The following TAF8 variants were observed in gnomAD, a reference collection of about 807,000 sequenced individuals.
The protein encoded by TAF8 is transcription initiation factor TFIID subunit 8.
TAF8 carries 47 observed loss-of-function variants against 36.5 expected under a neutral mutation model. The observed-to-expected ratio is 1.29, with a 90% confidence interval of 1.02 to 1.64. The LOEUF (loss-of-function observed/expected upper bound fraction) is 1.64, where lower values mean the gene tolerates loss of function less well. Among genes scored for constraint, TAF8 ranks in the 40% most tolerant of loss-of-function variants. TAF8 has a pLI of 0.00. For missense variants in TAF8, 420 were observed against 407.6 expected (o/e 1.03, Z -0.26); for synonymous variants, 175 against 159.5 (o/e 1.10, Z -0.73).
intron 6 of TAF8, 43 bp from the exon 7 acceptor site, chr6:42,068,422 G>A (rs767985444): frequency 1.2e-6 from 2 of 1,611,654 alleles, no homozygotes; most frequent in South Asian, 2.2e-5. Context: ...CAGCTGCGAG[G>A]TCTCTGTGAC....
chr6:42,077,390 C>T, intron 8 of TAF8, 143 bp from the exon 9 acceptor site: 2 of 1,520,014 alleles, frequency 1.3e-6, no homozygotes, highest in South Asian at 2.5e-5. Context: ...CCTTACTTGG[C>T]TCCCGTACAT....
intron 7 of TAF8, among the ~76,000 whole-genome samples, chr6:42,072,950 C>T (rs1765631293): frequency 6.6e-6 from 1 of 151,922 alleles, no homozygotes; most frequent in Admixed American, 6.6e-5. Context: ...GTCTCGATCT[C>T]CCGACCTCGT....
At chr6:42,084,832 C>G (rs868537095), downstream of TAF8, among the ~76,000 whole-genome samples, 1 of 152,178 alleles carries the variant, frequency 6.6e-6, no homozygotes, top group Non-Finnish European at 1.5e-5. Context: ...AGGCTAAGTA[C>G]ATTGTGGGAG....
intron 5 of TAF8, among the ~76,000 whole-genome samples, chr6:42,059,370 G>A (rs1423499668): frequency 2.0e-5 from 3 of 150,800 alleles, no homozygotes; most frequent in Non-Finnish European, 4.4e-5. Context: ...GCGACAGAGC[G>A]AGACTTTGTC....
chr6:42,053,334 G>A (rs751775559), intron 2 of TAF8, among the ~76,000 whole-genome samples: 3 of 152,062 alleles, frequency 2.0e-5, no homozygotes, highest in Admixed American at 6.6e-5. Flanking sequence ...AGGCCGAGGC[G>A]GGTATATCGC....
chr6:42,071,377 G>C (rs1362641484), intron 7 of TAF8: 1 of 184,270 alleles, frequency 5.4e-6, no homozygotes, highest in Non-Finnish European at 1.1e-5. Context: ...CCAGGCTGGA[G>C]TGCAGTGGCA....
rs1189988672 is a variant in TAF8, at chr6:42,078,207, A to G, written c.*662A>G. On this transcript the variant is annotated 3_prime_UTR_variant, in exon 9 of 9. Coordinates refer to ENST00000372977, the MANE Select transcript of TAF8 (RefSeq NM_138572.3). ...ACCCCACCAGAGACTTTCTTAATCA[A>G]TCAGGCTATGTGGTGGGGCATAGCA... The G allele has an allele frequency of 4.1e-6, 4 of 985,704 alleles. No homozygotes were observed. The South Asian group carries it at 1.9e-4, about 46-fold the overall frequency. The allele number at this position is 985,704 out of a possible 1,614,324, so 61.1% of individuals were successfully genotyped here. A position where few individuals can be genotyped will look rare whatever the true frequency, so the allele number is the denominator to read the frequency against.
At position 42,077,228 on chromosome 6, in the gene TAF8, C is replaced by A; in HGVS notation, c.909C>A (p.Ile303=). ...PYLRPVKKPK[I]RRKKSLS ...TGCGGCCGGTGAAGAAGCCCAAGAT[C>A]CGCAGGAAGAAGTGAGTTGGAGGCT... Residue 303 remains isoleucine (I), a synonymous_variant, in exon 8 of 9, where the codon ATC becomes ATA. Coordinates refer to ENST00000372977, the MANE Select transcript of TAF8 (RefSeq NM_138572.3). 18 of 1,613,024 alleles carry A rather than the reference C, an allele frequency of 1.1e-5. No individual in the cohort carries two copies. The highest frequency in any genetic ancestry group is 1.5e-5 in the Non-Finnish European group (18 of 1,179,214).
chr6:42,059,387 A>G (rs899401751), intron 5 of TAF8, among the ~76,000 whole-genome samples: 11 of 147,838 alleles, frequency 7.4e-5, no homozygotes, highest in African/African-American at 2.5e-4. Context: ...TGTCTCAAGA[A>G]AAAAAAAAAA....
chr6:42,055,983 A>C lies in TAF8; in HGVS notation c.333A>C (p.Ala111=), dbSNP rs371841722. ...GFNVDTLPAY[A]KRSQRMVITA... ...ATGTGGACACTCTCCCTGCTTATGC[A>C]AAACGGTCTCAGAGGATGGTCATCA... Residue 111 remains alanine, a synonymous_variant, in exon 4 of 9, where the codon GCA becomes GCC. Coordinates refer to ENST00000372977, the MANE Select transcript of TAF8 (RefSeq NM_138572.3). The C allele has an allele frequency of 3.7e-5, 60 of 1,613,590 alleles. No individual in the cohort carries two copies. The highest frequency in any genetic ancestry group is 4.9e-5 in the Non-Finnish European group (58 of 1,179,568).
Position 42,056,007 on chromosome 6 carries a change from C to CA in TAF8, c.358dup (p.Thr120AsnfsTer33). On this transcript the variant is annotated frameshift_variant, in exon 4 of 9. Coordinates refer to ENST00000372977, the MANE Select transcript of TAF8 (RefSeq NM_138572.3). LOFTEE classifies it high-confidence loss of function. Reference sequence around the variant, plus strand: ...CAAAACGGTCTCAGAGGATGGTCATCACTGCTCGTAAGTGACTTTGAACTG... The same window carrying CA: ...CAAAACGGTCTCAGAGGATGGTCATCAACTGCTCGTAAGTGACTTTGAACTG... The CA allele has an allele frequency of 1.9e-6, 3 of 1,609,588 alleles. No individual in the cohort carries two copies. Among genetic ancestry groups the CA allele is most frequent in the Non-Finnish European group, 2.6e-6 (3 of 1,175,834 alleles).
rs1765906789 is a variant in TAF8 at position 42,081,046 on chromosome 6, A to G, written c.*3501A>G. On this transcript the variant is annotated 3_prime_UTR_variant, in exon 9 of 9. Transcript: ENST00000372977. Reference sequence around the variant, plus strand: ...TATTTTGGAAATTTTCAAATACAAAATTAGAGAGCAAAATATATGAACCCC... The same window carrying G: ...TATTTTGGAAATTTTCAAATACAAAGTTAGAGAGCAAAATATATGAACCCC... The G allele has an allele frequency of 1.2e-6, 1 of 856,070 alleles. No individual in the cohort carries two copies. The highest frequency in any genetic ancestry group is 1.8e-5 in the African/African-American group (1 of 54,214). 53.0% of individuals were successfully genotyped at this position (856,070 alleles called of 1,614,324 possible). A position where few individuals can be genotyped will look rare whatever the true frequency, so the allele number is the denominator to read the frequency against.
intron 4 of TAF8, 77 bp from the exon 5 acceptor site, chr6:42,057,302 TGAGAAAAGGA>T: frequency 6.4e-7 from 1 of 1,574,698 alleles, no homozygotes; most frequent in Admixed American, 1.9e-5. Flanking sequence ...GGCATTTTTT[TGAGAAAAGGA>T]GGCTTTGGGG....
chr6:42,055,804 CCT>C (rs147452787), intron 3 of TAF8, 146 bp from the exon 4 acceptor site: 11,863 of 744,252 alleles, frequency 0.016, 122 homozygotes, highest in Non-Finnish European at 0.021. Flanking sequence ...CTCATAATTC[CCT>C]GTTAGGGAAT....
intron 7 of TAF8, among the ~76,000 whole-genome samples, chr6:42,072,583 G>A (rs9462766): frequency 0.3 from 45,918 of 151,996 alleles, 8,618 homozygotes; most frequent in East Asian, 0.41. Flanking sequence ...GGGAGGAGGC[G>A]CATCGTTCCT....
rs780682589 is a variant in TAF8, at chr6:42,050,550, C to G, written c.9C>G (p.Asp3Glu). 10 of 1,555,476 alleles carry G rather than the reference C, an allele frequency of 6.4e-6. No individual in the cohort carries two copies. Among genetic ancestry groups the G allele is most frequent in the Non-Finnish European group, 8.7e-6 (10 of 1,149,956 alleles). ...CACTACGCCAGAACAAGATGGCCGACGCGGCGGCCACAGCTGGGGCCGGTG... is the reference window on the plus strand; with the variant it reads ...CACTACGCCAGAACAAGATGGCCGAGGCGGCGGCCACAGCTGGGGCCGGTG... The part of the protein sequence containing the change: MA[D>E]AAATAGAGGS... Residue 3 changes from aspartate (D) to glutamate (E), a missense_variant, in exon 1 of 9, where the codon GAC becomes GAG. Physicochemically the swap from Asp to Glu is conservative, Grantham distance 45. Transcript: ENST00000372977.
chr6:42,077,348 C>G (rs78157979), intron 8 of TAF8, 109 bp downstream of exon 8: 1 of 1,502,424 alleles, frequency 6.7e-7, no homozygotes, highest in Non-Finnish European at 8.9e-7. Flanking sequence ...GAAAGCCACT[C>G]TGGTGAGAGG....
At position 42,081,662 on chromosome 6, in the gene TAF8, C is replaced by A. The variant is rs1286144032; in HGVS notation, c.*4117C>A. ...GGGATTACAGGCATGAGCCACCGCA[C>A]CTGGCCTAATTTTTTTGTAGGTTTA... On this transcript the variant is annotated 3_prime_UTR_variant, in exon 9 of 9. Transcript: ENST00000372977. The A allele has an allele frequency of 6.6e-6, 1 of 152,396 alleles. No individual in the cohort carries two copies. Among genetic ancestry groups the A allele is most frequent in the East Asian group, 1.9e-4 (1 of 5,184 alleles). The allele number at this position is 152,396 out of a possible 1,614,324, so 9.4% of individuals were successfully genotyped here. A position where few individuals can be genotyped will look rare whatever the true frequency, so the allele number is the denominator to read the frequency against.
At chr6:42,086,594 C>G, downstream of TAF8, 1 of 944,074 alleles carries the variant, frequency 1.1e-6, no homozygotes, top group Non-Finnish European at 1.7e-6. Flanking sequence ...TAAATCATCA[C>G]AAGCAGCTCC....
Sources: allele counts gnomAD v4.1 joint callset (sites outside exome capture counted in the v4.1 genomes callset), GRCh38; gene constraint gnomAD v4.1.1; transcripts MANE v1.5; gene names NCBI Gene and HGNC (gene_info 2026-07-23, HGNC 2026-07-21).